CSMD2: variants seen among roughly 807,000 people sequenced by gnomAD.
CSMD2 encodes the protein CUB and Sushi multiple domains 2, also known as CUB and sushi domain-containing protein 2.
CSMD2 carries 130 observed loss-of-function variants against 398.5 expected under a neutral mutation model. The ratio of observed to expected loss-of-function variants is 0.33; its 90% CI spans 0.28 to 0.38. The LOEUF (loss-of-function observed/expected upper bound fraction) is 0.38, where lower values mean the gene tolerates loss of function less well. Ranked by LOEUF, CSMD2 falls within the 10% of genes least tolerant of loss-of-function variation. The probability of loss-of-function intolerance (pLI) is 1.00; values close to 1 mark genes in which losing one functional copy is unlikely to be tolerated. For missense variants in CSMD2, 3,829 were observed against 4,764.9 expected, an observed-to-expected ratio of 0.80 and a Z score of 5.78; for synonymous variants, 1,828 against 1,908.5, an observed-to-expected ratio of 0.96 and a Z score of 1.10.
chr1:33,524,766 C>G (rs35673825), intron 66 of CSMD2, 116 bp downstream of exon 66: 211,208 of 1,023,816 alleles, frequency 0.21, 24,052 homozygotes, highest in East Asian at 0.38. Flanking sequence ...CTTCCCTGAC[C>G]ACCAGACAAG....
chr1:34,101,316 C>CA (rs1425530253), intron 1 of CSMD2, among the ~76,000 whole-genome samples: 1 of 152,200 alleles, frequency 6.6e-6, no homozygotes, highest in African/African-American at 2.4e-5. Context: ...AGAACAATCT[C>CA]AGAGAACTAG....
At chr1:33,550,039 A>C in intron 56 of CSMD2, 138 bp downstream of exon 56, 1 of 810,602 alleles carries the variant, frequency 1.2e-6, no homozygotes, top group Non-Finnish European at 2.0e-6. Context: ...TGTGCTTTCT[A>C]CCTGTTAGGG....
chr1:34,091,858 C>T (rs1165338738), intron 1 of CSMD2, among the ~76,000 whole-genome samples: 1 of 152,134 alleles, frequency 6.6e-6, no homozygotes, highest in Non-Finnish European at 1.5e-5. Flanking sequence ...GTGCCACCAT[C>T]ACCTCTGGGA....
chr1:33,895,993 C>G lies in CSMD2; in HGVS notation c.920+22101G>C, dbSNP rs137864775. 8.9e-3 allele frequency among the ~76,000 whole-genome samples: 1,353 copies of G among 152,286 alleles called. 17 individuals carry two copies. The highest frequency in any genetic ancestry group is 0.031 in the African/African-American group (1,269 of 41,556). ...AGACGGAAGCAGTGGCATCTCCCCA[C>G]GCTTCCCAGAACCCCAGAGTCTGGG... On this transcript the variant is annotated intron_variant, in intron 5 of 70. Transcript: ENST00000373381.
At chr1:33,815,146 T>C (rs960558227) in intron 9 of CSMD2, 2 of 152,146 alleles carry the variant, frequency 1.3e-5, no homozygotes, top group African/African-American at 4.8e-5. Flanking sequence ...ATTTCCCATG[T>C]CTTCCTTCAC....
intron 5 of CSMD2, among the ~76,000 whole-genome samples, chr1:33,853,665 T>G (rs2125095493): frequency 6.6e-6 from 1 of 151,768 alleles, no homozygotes; most frequent in African/African-American, 2.4e-5. Context: ...GGTGGGAGAC[T>G]GCCTGTTGGC....
At chr1:33,947,458 C>T (rs763134043) in intron 3 of CSMD2, among the ~76,000 whole-genome samples, 3 of 152,286 alleles carry the variant, frequency 2.0e-5, no homozygotes, top group African/African-American at 7.2e-5. Context: ...ATTTCCTCCA[C>T]TTGGCTCCCC....
chr1:33,622,777 T>C (rs1343099123), intron 36 of CSMD2, among the ~76,000 whole-genome samples: 1 of 152,190 alleles, frequency 6.6e-6, no homozygotes, highest in Admixed American at 6.5e-5. Flanking sequence ...AAACAGGAAG[T>C]TCCTCCAAAA....
chr1:33,606,888 A>G (rs74066661), intron 41 of CSMD2, among the ~76,000 whole-genome samples: 377 of 152,276 alleles, frequency 2.5e-3, no homozygotes, highest in African/African-American at 7.9e-3. Context: ...CCCCTGCAAG[A>G]AGCTTCAAAG....
intron 12 of CSMD2, among the ~76,000 whole-genome samples, chr1:33,781,611 C>G (rs2149351545): frequency 6.6e-6 from 1 of 152,328 alleles, no homozygotes; most frequent in African/African-American, 2.4e-5. Context: ...CAGCTTCTTC[C>G]TCCCCTGGGC....
At chr1:33,810,595 C>A in intron 10 of CSMD2, 148 bp downstream of exon 10, 2 of 686,432 alleles carry the variant, frequency 2.9e-6, no homozygotes, top group Non-Finnish European at 2.3e-6. Context: ...TGCTTTTTAT[C>A]CACTCGATAT....
At chr1:33,715,448 C>T (rs2149172618) in intron 20 of CSMD2, among the ~76,000 whole-genome samples, 1 of 152,160 alleles carries the variant, frequency 6.6e-6, no homozygotes, top group Middle Eastern at 3.4e-3. Flanking sequence ...GCAAGGGCTT[C>T]TCCCTTCAGG....
intron 3 of CSMD2, among the ~76,000 whole-genome samples, chr1:34,024,075 G>C (rs1157244911): frequency 1.3e-5 from 2 of 152,214 alleles, no homozygotes; most frequent in African/African-American, 4.8e-5. Flanking sequence ...GCCAGCCTGA[G>C]GGAAAGCTAG....
Position 33,824,404 on chromosome 1 carries a change from G to T in CSMD2, c.1111+1293C>A, listed in dbSNP as rs140521424. Among the ~76,000 whole-genome samples, 142 of 152,296 alleles carry T rather than the reference G, an allele frequency of 9.3e-4. 1 individual carries two copies. The highest frequency in any genetic ancestry group is 1.4e-3 in the Admixed American group (22 of 15,306). On this transcript the variant is annotated intron_variant, in intron 7 of 70. Transcript: ENST00000373381. ...GCCCTCTGCCATCCAGTCCCTGAGG[G>T]TGGTGACTGGAGATGCCAGTTCCTG... is the stretch of plus-strand genomic sequence containing the variant.
chr1:33,744,818 C>G (rs4639720), intron 13 of CSMD2, among the ~76,000 whole-genome samples: 39,634 of 151,918 alleles, frequency 0.26, 5,824 homozygotes, highest in African/African-American at 0.4. Context: ...AATATAGAAT[C>G]CAATATTGTT....
intron 3 of CSMD2, among the ~76,000 whole-genome samples, chr1:34,029,436 T>A (rs774815682): frequency 2.6e-5 from 4 of 152,152 alleles, no homozygotes; most frequent in Non-Finnish European, 5.9e-5. Flanking sequence ...ACGATAGACA[T>A]CCCAGGGCAT....
intron 6 of CSMD2, among the ~76,000 whole-genome samples, chr1:33,843,959 A>G (rs1445471239): frequency 1.3e-5 from 2 of 152,100 alleles, no homozygotes; most frequent in Non-Finnish European, 2.9e-5. Flanking sequence ...GTGGTGGTGT[A>G]GGCCACCTGC....
At chr1:33,952,931 C>T (rs957227203) in intron 3 of CSMD2, among the ~76,000 whole-genome samples, 4 of 152,204 alleles carry the variant, frequency 2.6e-5, no homozygotes, top group Non-Finnish European at 4.4e-5. Flanking sequence ...ACTGAACTCA[C>T]GTCACAGGGC....
At chr1:33,669,786 C>G (rs140638230) in intron 25 of CSMD2, among the ~76,000 whole-genome samples, 1 of 151,832 alleles carries the variant, frequency 6.6e-6, no homozygotes, top group Non-Finnish European at 1.5e-5. Context: ...TGACTGATAT[C>G]GTAAGAGAAA....
Sources: gnomAD v4.1 joint callset for allele counts (sites outside exome capture counted in the v4.1 genomes callset) on GRCh38, gnomAD v4.1.1 for gene constraint, MANE v1.5 for transcripts, NCBI Gene and HGNC (gene_info 2026-07-23, HGNC 2026-07-21) for gene names.